The following PHIP variants were observed in gnomAD, a reference collection of about 807,000 sequenced individuals.
PHIP encodes the protein PHIP subunit of CUL4-Ring ligase complex.
Under a neutral mutation model 236.8 loss-of-function variants are expected in PHIP, and 54 were observed. The ratio of observed to expected loss-of-function variants is 0.23; its 90% CI spans 0.18 to 0.29. The LOEUF is 0.29. Ranked by LOEUF, PHIP falls within the 10% of genes least tolerant of loss-of-function variation. The pLI, the probability that PHIP is intolerant of heterozygous loss-of-function variation, is 1.00. For synonymous variants in PHIP, 756 were observed against 718.9 expected (o/e 1.05, Z -0.83); for missense variants, 1,370 against 2,190.8 (o/e 0.63, Z 7.48).
At chr6:78,986,936 G>A (rs1350934631) in intron 21 of PHIP, among the ~76,000 whole-genome samples, 1 of 122,356 alleles carries the variant, frequency 8.2e-6, no homozygotes, top group Non-Finnish European at 1.9e-5. Context: ...TTAAAGGGGG[G>A]AAAAAGAAAC....
intron 15 of PHIP, among the ~76,000 whole-genome samples, chr6:79,007,882 A>C (rs1166226044): frequency 6.6e-6 from 1 of 152,080 alleles, no homozygotes; most frequent in African/African-American, 2.4e-5. Context: ...TTTAGATTAG[A>C]GCTTGCCAAC....
intron 16 of PHIP, among the ~76,000 whole-genome samples, chr6:79,003,398 C>T (rs1401748387): frequency 1.3e-5 from 2 of 152,174 alleles, no homozygotes; most frequent in African/African-American, 2.4e-5. Flanking sequence ...AAACATTTTA[C>T]ATAATTTCAG....
rs747705230 is a variant in PHIP, at chr6:78,997,607, A to G, written c.2018-10T>C. ...GTAGAACTTATGGAGCCTAAGTGAAAAAGTTACTATATTAAGTTCTACTTA... is the reference window on the plus strand; with the variant it reads ...GTAGAACTTATGGAGCCTAAGTGAAGAAGTTACTATATTAAGTTCTACTTA... On this transcript the variant is annotated splice_polypyrimidine_tract_variant and intron_variant, in intron 18 of 39. Coordinates refer to ENST00000275034, the MANE Select transcript of PHIP (RefSeq NM_017934.7). 4 of 1,605,264 alleles carry G rather than the reference A, an allele frequency of 2.5e-6. No homozygotes were observed. Among genetic ancestry groups the G allele is most frequent in the Non-Finnish European group, 3.4e-6 (4 of 1,173,260 alleles).
At chr6:79,031,382 A>C (rs1434603710) in intron 7 of PHIP, among the ~76,000 whole-genome samples, 1 of 152,236 alleles carries the variant, frequency 6.6e-6, no homozygotes, top group Admixed American at 6.5e-5. Flanking sequence ...TTTAAATCCC[A>C]AAACAAAATG....
rs533068117 is a variant in PHIP at position 78,999,035 on chromosome 6, AGAGAAGTCCTCTCG to A, written c.1880-658_1880-645del. 5.0e-3 allele frequency among the ~76,000 whole-genome samples: 768 copies of A among 152,292 alleles called. 5 individuals carry two copies. The highest frequency in any genetic ancestry group is 0.017 in the African/African-American group (717 of 41,574). On this transcript the variant is annotated intron_variant, in intron 17 of 39. Transcript: ENST00000275034. Reference sequence around the variant, plus strand: ...AAGGTGATGGTGGGTCAGAAAAATCAGAGAAGTCCTCTCGGACAAGGTAGCATTTGCGCTGAGAT... The same window carrying A: ...AAGGTGATGGTGGGTCAGAAAAATCAGACAAGGTAGCATTTGCGCTGAGAT...
In PHIP at chr6:79,060,730, C is replaced by G; in HGVS notation, c.278G>C (p.Ser93Thr). The change falls in exon 5 of 40, where the codon AGT becomes ACT. Residue 93 changes from serine to threonine, a missense_variant. Transcript: ENST00000275034. ...TAATAAAGTTTGTACTCCAGGAACA[C>G]TTTGAGGAATTTCTTGTTCAAGAAG... ...GPLLEQEIPQ[S>T]VPGVQTLLGA... 6.2e-7 allele frequency: 1 copy of G among 1,613,352 alleles called. No individual in the cohort carries two copies. Among genetic ancestry groups the G allele is most frequent in the Non-Finnish European group, 8.5e-7 (1 of 1,179,366 alleles).
rs1429308352 is a variant in PHIP at position 78,982,880 on chromosome 6, C to G, written c.2769+6G>C. The G allele has an allele frequency of 6.5e-7, 1 of 1,532,902 alleles. No individual in the cohort carries two copies. Among genetic ancestry groups the G allele is most frequent in the Admixed American group, 2.2e-5 (1 of 46,436 alleles). 95.0% of individuals were successfully genotyped at this position (1,532,902 alleles called of 1,614,324 possible). ...AACACCAAATTTGTAATGTTAAAAA[C>G]CAAACCTTTTGTTTTCTTTCTTTGG... On this transcript the variant is annotated splice_donor_region_variant and intron_variant, in intron 23 of 39. Transcript: ENST00000275034.
intron 4 of PHIP, among the ~76,000 whole-genome samples, chr6:79,063,184 GGA>G (rs950631479): frequency 9.2e-5 from 14 of 152,134 alleles, no homozygotes; most frequent in Admixed American, 9.2e-4. Flanking sequence ...TCCTGCATAA[GGA>G]GAGATTGGGC....
At chr6:79,016,715 T>C in intron 12 of PHIP, 73 bp from the exon 13 acceptor site, 1 of 881,788 alleles carries the variant, frequency 1.1e-6, no homozygotes, top group Non-Finnish European at 1.8e-6. Flanking sequence ...TTCCCAGAGA[T>C]CTTGTTTAAA....
chr6:78,980,226 A>G (rs1217280415), intron 23 of PHIP, among the ~76,000 whole-genome samples: 1 of 150,372 alleles, frequency 6.7e-6, no homozygotes, highest in Non-Finnish European at 1.5e-5. Flanking sequence ...AAATGCTATT[A>G]TGGCAGAGTA....
At chr6:78,968,988 C>T (rs1196955171) in intron 27 of PHIP, among the ~76,000 whole-genome samples, 1 of 152,168 alleles carries the variant, frequency 6.6e-6, no homozygotes, top group Non-Finnish European at 1.5e-5. Flanking sequence ...TTTAACTTTT[C>T]CTGTTCTGGA....
At position 79,030,931 on chromosome 6, in the gene PHIP, G is replaced by GT. The variant is rs565573763; in HGVS notation, c.601-4768dup. Among the ~76,000 whole-genome samples, 1,080 of 150,708 alleles carry GT rather than the reference G, an allele frequency of 7.2e-3. 20 individuals carry two copies. Among genetic ancestry groups the GT allele is most frequent in the African/African-American group, 0.022 (919 of 40,998 alleles). ...ATCACTTGTTTCATTTTTCTTTCTT[G>GT]TTTTTTTTTGTTTGTTTGTTTGTTT... On this transcript the variant is annotated intron_variant, in intron 7 of 39. Transcript: ENST00000275034.
Position 78,946,657 on chromosome 6 carries a change from T to C in PHIP, c.4370+54A>G, listed in dbSNP as rs1380913852. 6 of 1,479,676 alleles carry C rather than the reference T, an allele frequency of 4.1e-6. No homozygotes were observed. The African/African-American group carries it at 8.8e-5, about 22-fold the overall frequency. The allele number at this position is 1,479,676 out of a possible 1,614,324, so 91.7% of individuals were successfully genotyped here. ...AAGTATTAAAAAACACCAAGTTCTA[T>C]CATTTAGATGAAAGTTATAGATCAG... On this transcript the variant is annotated intron_variant, in intron 37 of 39. Coordinates refer to ENST00000275034, the MANE Select transcript of PHIP (RefSeq NM_017934.7).
intron 15 of PHIP, among the ~76,000 whole-genome samples, chr6:79,005,033 A>G (rs1770210221): frequency 6.6e-6 from 1 of 152,108 alleles, no homozygotes; most frequent in Non-Finnish European, 1.5e-5. Flanking sequence ...GGCTTGCTAA[A>G]AAGAAGAAAT....
intron 23 of PHIP, among the ~76,000 whole-genome samples, chr6:78,979,054 C>G (rs192233019): frequency 2.0e-4 from 30 of 152,170 alleles, no homozygotes; most frequent in African/African-American, 6.0e-4. Flanking sequence ...ATATAGGAGA[C>G]TGTGTGTAGG....
chr6:79,069,649 C>T (rs1773792150), intron 4 of PHIP, among the ~76,000 whole-genome samples: 1 of 151,994 alleles, frequency 6.6e-6, no homozygotes, highest in Admixed American at 6.5e-5. Context: ...TTTTTCTCCC[C>T]ATCGACACGT....
At chr6:78,950,705 T>C (rs1334441088) in intron 35 of PHIP, among the ~76,000 whole-genome samples, 2 of 152,208 alleles carry the variant, frequency 1.3e-5, no homozygotes, top group Non-Finnish European at 2.9e-5. Flanking sequence ...ATATCATCTC[T>C]GATATTAACA....
chr6:79,057,186 C>T (rs1485621034), intron 6 of PHIP, among the ~76,000 whole-genome samples: 1 of 152,032 alleles, frequency 6.6e-6, no homozygotes, highest in Admixed American at 6.6e-5. Context: ...CTAAGAAAAT[C>T]CAATTTTGCC....
intron 31 of PHIP, 149 bp downstream of exon 31, chr6:78,961,541 C>G (rs1265342290): frequency 1.5e-6 from 1 of 669,290 alleles, no homozygotes; most frequent in African/African-American, 1.9e-5. Flanking sequence ...TCCAAATCTA[C>G]TGAATAAGAT....
Sources: gnomAD v4.1 joint callset for allele counts (sites outside exome capture counted in the v4.1 genomes callset) on GRCh38, gnomAD v4.1.1 for gene constraint, MANE v1.5 for transcripts, NCBI Gene and HGNC (gene_info 2026-07-23, HGNC 2026-07-21) for gene names.